FILIP1: variants seen among roughly 807,000 people sequenced by gnomAD.
The protein encoded by FILIP1 is filamin A interacting protein 1.
FILIP1 carries 61 observed loss-of-function variants against 102.1 expected under a neutral mutation model. That is an observed-to-expected ratio of 0.60 (90% confidence interval 0.49 to 0.74). The LOEUF is 0.74. Ranked by LOEUF, FILIP1 falls within the 30% of genes least tolerant of loss-of-function variation. The probability of loss-of-function intolerance (pLI) is 0.00; values close to 1 mark genes in which losing one functional copy is unlikely to be tolerated. For synonymous variants in FILIP1, 491 were observed against 526.9 expected, an observed-to-expected ratio of 0.93 and a Z score of 0.93; for missense variants, 1,314 against 1,441.2, an observed-to-expected ratio of 0.91 and a Z score of 1.43.
intron 2 of FILIP1, among the ~76,000 whole-genome samples, chr6:75,372,822 T>C (rs1775622281): frequency 6.6e-6 from 1 of 151,134 alleles, no homozygotes; most frequent in Non-Finnish European, 1.5e-5. Context: ...AAAGAGTTGG[T>C]GAGGGTACAG....
chr6:75,298,995 C>T (rs1772760744), intron 6 of FILIP1, among the ~76,000 whole-genome samples: 1 of 148,828 alleles, frequency 6.7e-6, no homozygotes. Context: ...CACATGGAGT[C>T]CATGTTGCCA....
At chr6:75,451,615 G>A (rs550881045) in intron 1 of FILIP1, among the ~76,000 whole-genome samples, 6 of 151,298 alleles carry the variant, frequency 4.0e-5, no homozygotes, top group South Asian at 4.1e-4. Flanking sequence ...CTGATCACTC[G>A]AGGTCAAGAG....
chr6:75,396,699 T>C (rs1776472490), intron 2 of FILIP1, among the ~76,000 whole-genome samples: 1 of 152,138 alleles, frequency 6.6e-6, no homozygotes, highest in African/African-American at 2.4e-5. Flanking sequence ...ACCTGTGTCC[T>C]GTCTCACAGG....
At position 75,313,224 on chromosome 6, in the gene FILIP1, T is replaced by G; in HGVS notation, c.2608A>C (p.Ile870Leu). 6.2e-7 allele frequency: 1 copy of G among 1,614,192 alleles called. No homozygotes were observed. The highest frequency in any genetic ancestry group is 2.2e-5 in the East Asian group (1 of 44,884). Reference sequence around the variant, plus strand: ...TTTTCCCTCTTTCTCATCCATGGAATCCAAGACTTTCTCATAGTGAGCTCA... The same window carrying G: ...TTTTCCCTCTTTCTCATCCATGGAAGCCAAGACTTTCTCATAGTGAGCTCA... ...ANELTMRKSW[I>L]PWMRKRENGP... The change falls in exon 5 of 6, where the codon ATT becomes CTT. Residue 870 changes from isoleucine to leucine, a missense_variant. Around this residue, in one of 3 missense-constraint regions of FILIP1, gnomAD observed 816 missense variants for 913.1 expected, o/e 0.89. Coordinates refer to ENST00000237172, the MANE Select transcript of FILIP1 (RefSeq NM_015687.5). This position sits in a 1 kb window ranked among gnomAD's most constrained non-coding sequence, Gnocchi z 4.2.
chr6:75,376,657 A>T (rs1775762610), intron 2 of FILIP1, among the ~76,000 whole-genome samples: 1 of 152,310 alleles, frequency 6.6e-6, no homozygotes, highest in East Asian at 1.9e-4. Context: ...GGGCAACATA[A>T]CCAAAAGCCT....
At chr6:75,331,304 T>G (rs1774071408) in intron 4 of FILIP1, among the ~76,000 whole-genome samples, 1 of 152,166 alleles carries the variant, frequency 6.6e-6, no homozygotes, top group Non-Finnish European at 1.5e-5. Flanking sequence ...TTCTGATAAT[T>G]TGCTGACCAT....
chr6:75,415,641 C>T (rs908767349), intron 1 of FILIP1, among the ~76,000 whole-genome samples: 1 of 151,116 alleles, frequency 6.6e-6, no homozygotes, highest in Non-Finnish European at 1.5e-5. Flanking sequence ...TAGTGATATG[C>T]GATTCTATTT....
intron 1 of FILIP1, among the ~76,000 whole-genome samples, chr6:75,439,891 A>G (rs1249721573): frequency 6.6e-6 from 1 of 152,240 alleles, no homozygotes; most frequent in Non-Finnish European, 1.5e-5. Context: ...CTTTCCTACT[A>G]TGCTAAATAA....
exon 7 of FILIP1, chr6:75,294,026 G>C (rs1772607214): frequency 1.3e-5 from 2 of 152,148 alleles, no homozygotes; most frequent in Admixed American, 1.3e-4. Context: ...GCTATGGCAA[G>C]CCTACTGTAA....
intron 4 of FILIP1, among the ~76,000 whole-genome samples, chr6:75,352,728 T>G (rs368197661): frequency 1.3e-5 from 2 of 152,082 alleles, no homozygotes; most frequent in South Asian, 2.1e-4. Context: ...ACTTGTTAAG[T>G]TTAATAATTT....
chr6:75,365,900 G>C (rs549532031), intron 2 of FILIP1: 1 of 152,308 alleles, frequency 6.6e-6, no homozygotes, highest in Non-Finnish European at 1.5e-5. Flanking sequence ...CCAATGCTGA[G>C]AAAGCCACTT....
Position 75,406,326 on chromosome 6 carries a change from C to A in FILIP1, c.276+8371G>T, listed in dbSNP as rs944582129. On this transcript the variant is annotated intron_variant, in intron 2 of 5. Coordinates refer to ENST00000237172, the MANE Select transcript of FILIP1 (RefSeq NM_015687.5). ...AATGAACATGGCCCAGACTTTCTCA[C>A]CCACTCTGATTCTGTTCATGTTGGC... is the stretch of plus-strand genomic sequence containing the variant. Among the ~76,000 whole-genome samples, 3 of 152,310 alleles carry A rather than the reference C, an allele frequency of 2.0e-5. No individual in the cohort carries two copies. In the South Asian group the frequency reaches 6.2e-4, roughly 32 times the overall value.
At position 75,308,883 on chromosome 6, in the gene FILIP1, C is replaced by T. The variant is rs752733471; in HGVS notation, c.3450G>A (p.Gly1150=). Residue 1150 remains glycine (G), a synonymous_variant, in exon 6 of 6, where the codon GGG becomes GGA. Coordinates refer to ENST00000237172, the MANE Select transcript of FILIP1 (RefSeq NM_015687.5). ...RGTQSVSGQD[G]SSQRPTPTRI... ...GGGTGGGTGTAGGCCGCTGGGATGA[C>T]CCGTCTTGTCCTGACTGTAAGAGAG... is the stretch of plus-strand genomic sequence containing the variant. 25 of 1,613,928 alleles carry T rather than the reference C, an allele frequency of 1.5e-5. No homozygotes were observed. The highest frequency in any genetic ancestry group is 1.9e-5 in the Non-Finnish European group (23 of 1,180,010).
At chr6:75,440,098 G>T (rs1334141533) in intron 1 of FILIP1, among the ~76,000 whole-genome samples, 3 of 152,134 alleles carry the variant, frequency 2.0e-5, no homozygotes, top group Non-Finnish European at 2.9e-5. Flanking sequence ...TTGAGCAGAT[G>T]ACATAAATAA....
At chr6:75,346,225 G>A (rs1217349724) in intron 4 of FILIP1, among the ~76,000 whole-genome samples, 1 of 152,146 alleles carries the variant, frequency 6.6e-6, no homozygotes, top group Non-Finnish European at 1.5e-5. Context: ...ATGTGTTTGA[G>A]AAATATCTTC....
At chr6:75,394,129 T>C (rs918182918) in intron 2 of FILIP1, among the ~76,000 whole-genome samples, 1 of 152,206 alleles carries the variant, frequency 6.6e-6, no homozygotes, top group African/African-American at 2.4e-5. Context: ...TTCAGAATTC[T>C]CCTTTCACTC....
At chr6:75,394,933 T>C (rs2149662315) in intron 2 of FILIP1, among the ~76,000 whole-genome samples, 1 of 152,292 alleles carries the variant, frequency 6.6e-6, no homozygotes, top group South Asian at 2.1e-4. Flanking sequence ...ACATGTGTGA[T>C]AATATATATG....
chr6:75,381,525 G>C (rs1439437019), intron 2 of FILIP1, among the ~76,000 whole-genome samples: 1 of 151,660 alleles, frequency 6.6e-6, no homozygotes, highest in Admixed American at 6.6e-5. Context: ...ACCATGTCTG[G>C]CCTACAATTT....
chr6:75,422,288 G>C (rs1777494453), intron 1 of FILIP1, among the ~76,000 whole-genome samples: 1 of 152,036 alleles, frequency 6.6e-6, no homozygotes, highest in Non-Finnish European at 1.5e-5. Flanking sequence ...AACAAAAAGA[G>C]TAAGACCCTC....
Sources: gnomAD v4.1 joint callset for allele counts (sites outside exome capture counted in the v4.1 genomes callset) on GRCh38, gnomAD v4.1.1 for gene constraint, gnomAD v4.1.1 regional missense constraint, Gnocchi (gnomAD v3.1) non-coding constraint, MANE v1.5 for transcripts, NCBI Gene and HGNC (gene_info 2026-07-23, HGNC 2026-07-21) for gene names.